Variants in NECAB1 observed in about 807,000 individuals in gnomAD.
NECAB1 encodes the protein N-terminal EF-hand calcium-binding protein 1.
A neutral mutation model predicts 57.5 loss-of-function variants in NECAB1; 29 were observed. The observed-to-expected ratio is 0.50, with a 90% CI of 0.38 to 0.69. The LOEUF is 0.69. Ranked by LOEUF, NECAB1 falls within the 30% of genes least tolerant of loss-of-function variation. The pLI is 0.00. For missense variants in NECAB1, 372 were observed against 413.8 expected (o/e 0.90, Z 0.88); for synonymous variants, 142 against 147.7 (o/e 0.96, Z 0.28).
At chr8:90,866,249 C>T (rs1808510848) in intron 3 of NECAB1, among the ~76,000 whole-genome samples, 1 of 152,150 alleles carries the variant, frequency 6.6e-6, no homozygotes, top group African/African-American at 2.4e-5. Context: ...ATGGAAAACA[C>T]AATGATGGCT....
At position 90,931,654 on chromosome 8, in the gene NECAB1, G is replaced by A. The variant is rs542429168; in HGVS notation, c.694-2650G>A. ...TGCAGTGGCTCACGCCTGTAATCCCGGCACTTTGGGAGGCTGAGGCAAGTG... is the reference window on the plus strand; with the variant it reads ...TGCAGTGGCTCACGCCTGTAATCCCAGCACTTTGGGAGGCTGAGGCAAGTG... On this transcript the variant is annotated intron_variant, in intron 8 of 12. Coordinates refer to ENST00000417640, the MANE Select transcript of NECAB1 (RefSeq NM_022351.5). Among the ~76,000 whole-genome samples, 55 of 152,068 alleles carry A rather than the reference G, an allele frequency of 3.6e-4. 1 individual carries two copies. In the East Asian group the frequency reaches 6.2e-3, roughly 17 times the overall value.
chr8:90,900,532 T>C (rs1809476273), intron 5 of NECAB1, among the ~76,000 whole-genome samples: 1 of 152,174 alleles, frequency 6.6e-6, no homozygotes, highest in African/African-American at 2.4e-5. Context: ...GCAAAGCCCA[T>C]AACCCAGTGT....
At chr8:90,929,651 T>C (rs1810359582) in intron 8 of NECAB1, among the ~76,000 whole-genome samples, 2 of 152,134 alleles carry the variant, frequency 1.3e-5, no homozygotes, top group South Asian at 4.1e-4. Context: ...AAAGTCTTGA[T>C]AACAATCCCA....
In NECAB1 at chr8:90,816,968, T is replaced by G. The variant is rs976020591; in HGVS notation, c.125-7749T>G. Among the ~76,000 whole-genome samples the G allele has an allele frequency of 6.6e-5, 10 of 151,734 alleles. No individual in the cohort carries two copies. The East Asian group carries it at 1.9e-3, about 29-fold the overall frequency. ...GTAGAATATCTCCTTATTTACTTACTTAGATCCTATTTAATTTCTTTCATC... is the reference window on the plus strand; with the variant it reads ...GTAGAATATCTCCTTATTTACTTACGTAGATCCTATTTAATTTCTTTCATC... On this transcript the variant is annotated intron_variant, in intron 2 of 12. Transcript: ENST00000417640.
intron 2 of NECAB1, among the ~76,000 whole-genome samples, chr8:90,808,715 G>A (rs1213344162): frequency 5.1e-5 from 7 of 136,880 alleles, no homozygotes; most frequent in African/African-American, 1.4e-4. Flanking sequence ...GCACAACCTC[G>A]GCTCACTGCA....
intron 4 of NECAB1, among the ~76,000 whole-genome samples, chr8:90,877,781 T>G (rs905712693): frequency 6.6e-6 from 1 of 152,168 alleles, no homozygotes; most frequent in African/African-American, 2.4e-5. Flanking sequence ...ACATACAGCT[T>G]TATCTCCCAA....
intron 1 of NECAB1, among the ~76,000 whole-genome samples, chr8:90,797,284 C>T (rs532106658): frequency 2.6e-5 from 4 of 152,300 alleles, no homozygotes; most frequent in South Asian, 4.2e-4. Context: ...CTTCTGCATG[C>T]GAGTCTAGGT....
chr8:90,889,948 T>C (rs952832685), intron 5 of NECAB1, among the ~76,000 whole-genome samples: 8 of 111,360 alleles, frequency 7.2e-5, no homozygotes, highest in African/African-American at 4.5e-4. Flanking sequence ...AACTTTTAAC[T>C]GTGTGTGTGT....
chr8:90,802,569 C>G (rs1297914849), intron 2 of NECAB1, among the ~76,000 whole-genome samples: 2 of 151,988 alleles, frequency 1.3e-5, no homozygotes, highest in Non-Finnish European at 2.9e-5. Context: ...TTTTTGAAAT[C>G]CCATTTATCT....
intron 3 of NECAB1, among the ~76,000 whole-genome samples, chr8:90,854,228 G>A (rs1339593040): frequency 1.3e-5 from 2 of 152,006 alleles, no homozygotes; most frequent in African/African-American, 4.8e-5. Context: ...TCTATTATTG[G>A]TTCATCAATC....
At chr8:90,929,421 C>G (rs1324555957) in intron 8 of NECAB1, among the ~76,000 whole-genome samples, 3 of 152,130 alleles carry the variant, frequency 2.0e-5, no homozygotes, top group African/African-American at 7.2e-5. Context: ...AACAGATAGT[C>G]CAGAGGTCTG....
chr8:90,937,038 G>C (rs1563541948), intron 9 of NECAB1, among the ~76,000 whole-genome samples: 3 of 152,148 alleles, frequency 2.0e-5, no homozygotes, highest in Non-Finnish European at 4.4e-5. Flanking sequence ...TGCTCTTGAA[G>C]AAGAAGGAAG....
chr8:90,959,020 T>C lies in NECAB1; in HGVS notation c.*3508T>C, dbSNP rs1811084252. On this transcript the variant is annotated 3_prime_UTR_variant, in exon 13 of 13. Transcript: ENST00000417640. ...GTTCTTAAAATGCTACTTAAAACTT[T>C]GGTTGTTTTCCTGTAATATAAAAGA... 1.4e-6 allele frequency: 2 copies of C among 1,404,472 alleles called. No individual in the cohort carries two copies. Among genetic ancestry groups the C allele is most frequent in the Non-Finnish European group, 1.9e-6 (2 of 1,052,470 alleles). 87.0% of individuals were successfully genotyped at this position (1,404,472 alleles called of 1,614,324 possible).
In NECAB1 at chr8:90,955,610, A is replaced by G; in HGVS notation, c.*98A>G. On this transcript the variant is annotated 3_prime_UTR_variant, in exon 13 of 13. Transcript: ENST00000417640. ...TTATCTGCGGTTGTTAATCTACTGT[A>G]TATTTTTGTTTGGTATATTTACTAA... is the stretch of plus-strand genomic sequence containing the variant. 2 of 906,720 alleles carry G rather than the reference A, an allele frequency of 2.2e-6. No homozygotes were observed. The highest frequency in any genetic ancestry group is 3.3e-6 in the Non-Finnish European group (2 of 607,694). The allele number at this position is 906,720 out of a possible 1,614,324, so 56.2% of individuals were successfully genotyped here.
At position 90,791,865 on chromosome 8, in the gene NECAB1, G is replaced by T; in HGVS notation, c.-22G>T. On this transcript the variant is annotated 5_prime_UTR_variant, in exon 1 of 13. Transcript: ENST00000417640. ...GCGTCCGCCTAGCCCCGCTCCGCCT[G>T]AGGCCGTCAGGGCTCCCGAGGATGG... 1 of 1,542,670 alleles carries T rather than the reference G, an allele frequency of 6.5e-7. No homozygotes were observed.
chr8:90,802,572 A>G (rs1301437278), intron 2 of NECAB1, among the ~76,000 whole-genome samples: 9 of 152,106 alleles, frequency 5.9e-5, no homozygotes, highest in Admixed American at 5.9e-4. Flanking sequence ...TTGAAATCCC[A>G]TTTATCTATG....
At chr8:90,801,763 A>G (rs1366933446) in intron 2 of NECAB1, 48 bp downstream of exon 2, 4 of 1,183,636 alleles carry the variant, frequency 3.4e-6, no homozygotes, top group Non-Finnish European at 3.6e-6. Flanking sequence ...CTTACATTTT[A>G]TATTACCTTA....
In NECAB1 at chr8:90,843,588, C is replaced by T. The variant is rs116163868; in HGVS notation, c.233+18763C>T. Among the ~76,000 whole-genome samples the T allele has an allele frequency of 7.7e-3, 1,174 of 152,248 alleles. 15 individuals are homozygous for T. The highest frequency in any genetic ancestry group is 0.026 in the African/African-American group (1,074 of 41,526). The stretch of plus-strand genomic sequence containing the variant: ...GACAACTGACTATTATACGCTCATC[C>T]GCCAGAACAGTGAGACAAAGTAGGT... On this transcript the variant is annotated intron_variant, in intron 3 of 12. Coordinates refer to ENST00000417640, the MANE Select transcript of NECAB1 (RefSeq NM_022351.5).
At chr8:90,927,610 T>C (rs1295739330) in intron 7 of NECAB1, among the ~76,000 whole-genome samples, 3 of 143,874 alleles carry the variant, frequency 2.1e-5, no homozygotes, top group East Asian at 4.0e-4. Flanking sequence ...TGGTGCTAGA[T>C]ACACACACAC....
Sources: allele counts gnomAD v4.1 joint callset (sites outside exome capture counted in the v4.1 genomes callset), GRCh38; gene constraint gnomAD v4.1.1; transcripts MANE v1.5; gene names NCBI Gene and HGNC (gene_info 2026-07-23, HGNC 2026-07-21).